SLC26A5: variants seen among roughly 807,000 people sequenced by gnomAD.
SLC26A5 encodes the protein prestin.
SLC26A5 carries 51 observed loss-of-function variants against 81.0 expected under a neutral mutation model. The ratio of observed to expected loss-of-function variants is 0.63; its 90% CI spans 0.50 to 0.80. The LOEUF is 0.80. Among genes scored for constraint, SLC26A5 ranks in the 30% least tolerant of loss-of-function variants. The probability of loss-of-function intolerance (pLI) is 0.00; values close to 1 mark genes in which losing one functional copy is unlikely to be tolerated. For synonymous variants in SLC26A5, 325 were observed against 332.8 expected, an observed-to-expected ratio of 0.98 and a Z score of 0.25; for missense variants, 771 against 905.8, an observed-to-expected ratio of 0.85 and a Z score of 1.91.
At chr7:103,370,929 T>C (rs1820997068), downstream of SLC26A5, among the ~76,000 whole-genome samples, 1 of 152,236 alleles carries the variant, frequency 6.6e-6, no homozygotes, top group Non-Finnish European at 1.5e-5. Flanking sequence ...TTATGTAGAT[T>C]ATGCCCATTT....
chr7:103,416,104 C>T (rs1422358149), intron 4 of SLC26A5, among the ~76,000 whole-genome samples: 3 of 152,182 alleles, frequency 2.0e-5, no homozygotes, highest in Non-Finnish European at 4.4e-5. Context: ...TTCAAAATAG[C>T]ATCCTGTTTT....
chr7:103,397,714 C>T (rs1307739175), intron 9 of SLC26A5, among the ~76,000 whole-genome samples: 1 of 75,740 alleles, frequency 1.3e-5, no homozygotes, highest in Non-Finnish European at 3.0e-5. Flanking sequence ...GAGACTTCGT[C>T]TCAAAAAAAA....
At position 103,367,793 on chromosome 7, in the gene SLC26A5, G is replaced by A; in HGVS notation, c.2041+9015C>T. The A allele has an allele frequency of 6.2e-7, 1 of 1,613,700 alleles. No individual in the cohort carries two copies. The highest frequency in any genetic ancestry group is 8.5e-7 in the Non-Finnish European group (1 of 1,179,644). ...TCAGATTTGAACTGTTAGCACGACTGTGTCCAAATAGCACTGGTAAGTAGA... is the reference window on the plus strand; with the variant it reads ...TCAGATTTGAACTGTTAGCACGACTATGTCCAAATAGCACTGGTAAGTAGA... On this transcript the variant is annotated intron_variant, in intron 19 of 19. Transcript: ENST00000339444. The surrounding 1 kb of genome is among the most constrained non-coding windows in gnomAD (Gnocchi z 6.1).
intron 8 of SLC26A5, among the ~76,000 whole-genome samples, chr7:103,400,700 G>C (rs959694724): frequency 6.6e-6 from 1 of 152,164 alleles, no homozygotes; most frequent in African/African-American, 2.4e-5. Flanking sequence ...ACGGTTTTAG[G>C]CCTTAACATT....
rs988378278 is a variant in SLC26A5, at chr7:103,365,461, G to A, written c.2041+11347C>T. Among the ~76,000 whole-genome samples, 16 of 152,002 alleles carry A rather than the reference G, an allele frequency of 1.1e-4. No homozygotes were observed. In the East Asian group the frequency reaches 2.1e-3, roughly 20 times the overall value. On this transcript the variant is annotated intron_variant, in intron 19 of 19. Coordinates refer to the SLC26A5 transcript ENST00000339444. ...AGCCTGACCAACATGGAGAAACCCCGTCTCCATTGAAAATAGAAAAAGCCG... is the reference window on the plus strand; with the variant it reads ...AGCCTGACCAACATGGAGAAACCCCATCTCCATTGAAAATAGAAAAAGCCG...
intron 4 of SLC26A5, among the ~76,000 whole-genome samples, chr7:103,419,259 C>G (rs1586346172): frequency 6.6e-6 from 1 of 152,090 alleles, no homozygotes; most frequent in Admixed American, 6.6e-5. Flanking sequence ...ACAAAGAAAA[C>G]CTAAATAAAA....
chr7:103,382,167 C>T (rs1821849489), intron 14 of SLC26A5, among the ~76,000 whole-genome samples: 1 of 152,096 alleles, frequency 6.6e-6, no homozygotes, highest in Non-Finnish European at 1.5e-5. Context: ...TGTCTTTCTG[C>T]TCTAACTCTA....
chr7:103,369,634 AGCATGTTTGTAC>A (rs1820912955), downstream of SLC26A5, among the ~76,000 whole-genome samples: 1 of 152,246 alleles, frequency 6.6e-6, no homozygotes, highest in African/African-American at 2.4e-5. Flanking sequence ...TGCCTAGGTC[AGCATGTTTGTAC>A]TCAAAGAGAT....
intron 7 of SLC26A5, among the ~76,000 whole-genome samples, chr7:103,408,606 C>A (rs1045313001): frequency 2.0e-5 from 3 of 152,136 alleles, no homozygotes; most frequent in African/African-American, 7.2e-5. Flanking sequence ...AGAAAAGGAA[C>A]CCTGAAGCTG....
At chr7:103,370,330 G>A (rs1466261898), downstream of SLC26A5, among the ~76,000 whole-genome samples, 1 of 151,966 alleles carries the variant, frequency 6.6e-6, no homozygotes, top group East Asian at 1.9e-4. Flanking sequence ...AGACATAAAA[G>A]AGCCTTCCCC....
In SLC26A5 at chr7:103,398,008, T is replaced by C. The variant is rs771058832; in HGVS notation, c.895A>G (p.Met299Val). The change falls in exon 9 of 20, where the codon ATG (methionine) becomes GTG (valine). Residue 299 changes from methionine to valine, a missense_variant. Physicochemically the swap from Met to Val is conservative, Grantham distance 21 (BLOSUM62 1). Transcript: ENST00000306312. ...AACCCAGCTGAAATGCCAGTTCCCA[T>C]TACGACCTAAAAAGACACAAATCCA... ...PIPLEFFAVV[M>V]GTGISAGFNL... 2 of 1,613,866 alleles carry C rather than the reference T, an allele frequency of 1.2e-6. No homozygotes were observed. Among genetic ancestry groups the C allele is most frequent in the Non-Finnish European group, 8.5e-7 (1 of 1,179,834 alleles).
At chr7:103,373,597 A>G (rs556243144), downstream of SLC26A5, among the ~76,000 whole-genome samples, 1 of 152,326 alleles carries the variant, frequency 6.6e-6, no homozygotes, top group African/African-American at 2.4e-5. Flanking sequence ...AAAGGACATG[A>G]CCAGTTGCAA....
chr7:103,381,204 C>T (rs1821753900), intron 14 of SLC26A5, among the ~76,000 whole-genome samples: 1 of 151,308 alleles, frequency 6.6e-6, no homozygotes, highest in Non-Finnish European at 1.5e-5. Flanking sequence ...ATATACACCT[C>T]ATACCACACA....
intron 2 of SLC26A5, among the ~76,000 whole-genome samples, chr7:103,437,365 T>C (rs1321780425): frequency 6.6e-6 from 1 of 152,110 alleles, no homozygotes; most frequent in Admixed American, 6.6e-5. Flanking sequence ...TTATGGAAAA[T>C]GCTATGACAG....
At chr7:103,354,213 T>G (rs903441965) in intron 19 of SLC26A5, among the ~76,000 whole-genome samples, 3 of 152,204 alleles carry the variant, frequency 2.0e-5, no homozygotes, top group African/African-American at 7.2e-5. Context: ...TGTATTATTT[T>G]AATACTATTC....
chr7:103,418,116 G>A (rs1825067142), intron 4 of SLC26A5, among the ~76,000 whole-genome samples: 1 of 152,078 alleles, frequency 6.6e-6, no homozygotes, highest in South Asian at 2.1e-4. Context: ...AGTCATTCTT[G>A]ACCATCCCTC....
At chr7:103,407,063 G>C (rs568465843) in intron 8 of SLC26A5, among the ~76,000 whole-genome samples, 1 of 152,336 alleles carries the variant, frequency 6.6e-6, no homozygotes, top group East Asian at 1.9e-4. Flanking sequence ...CAGTGAAACA[G>C]TGACATCTAT....
chr7:103,412,987 A>G lies in SLC26A5; in HGVS notation c.403+15T>C, dbSNP rs374101625. On this transcript the variant is annotated intron_variant, in intron 5 of 19. Coordinates refer to ENST00000306312, the MANE Select transcript of SLC26A5 (RefSeq NM_198999.3). The stretch of plus-strand genomic sequence containing the variant: ...CACAAGGAAAGGTAATAGAATATCA[A>G]ATGTAAGCTTTTACCTATGGATATG... The G allele has an allele frequency of 8.6e-6, 13 of 1,504,018 alleles. No individual in the cohort carries two copies. The highest frequency in any genetic ancestry group is 3.4e-4 in the Middle Eastern group (2 of 5,890). 93.2% of individuals were successfully genotyped at this position (1,504,018 alleles called of 1,614,324 possible).
downstream of SLC26A5, among the ~76,000 whole-genome samples, chr7:103,372,916 T>G (rs1821117969): frequency 2.0e-5 from 3 of 149,174 alleles, no homozygotes; most frequent in South Asian, 6.4e-4. Flanking sequence ...CACCATCTAA[T>G]AAACCAGTTA....
Sources: allele counts gnomAD v4.1 joint callset (sites outside exome capture counted in the v4.1 genomes callset), GRCh38; gene constraint gnomAD v4.1.1; non-coding constraint Gnocchi (gnomAD v3.1); transcripts MANE v1.5; gene names NCBI Gene and HGNC (gene_info 2026-07-23, HGNC 2026-07-21).